The following THSD7A variants were observed in gnomAD, a reference collection of about 807,000 sequenced individuals.
The protein encoded by THSD7A is thrombospondin type 1 domain containing 7A.
In THSD7A, 96 loss-of-function variants were observed where a neutral mutation model predicts 231.3. That is an observed-to-expected ratio of 0.41 (90% confidence interval 0.35 to 0.49). The LOEUF (loss-of-function observed/expected upper bound fraction) is 0.49, where lower values mean the gene tolerates loss of function less well. Ranked by LOEUF, THSD7A falls within the 20% of genes least tolerant of loss-of-function variation. The pLI is 0.05. For missense variants in THSD7A, 2,290 were observed against 2,070.2 expected (o/e 1.11, Z -2.06); for synonymous variants, 940 against 743.3 (o/e 1.26, Z -4.30).
rs1395498961 is a variant in THSD7A at position 11,406,910 on chromosome 7, C to T, written c.4062G>A (p.Gln1354=). Residue 1354 remains glutamine, a splice_region_variant and synonymous_variant, in exon 21 of 28, where the codon CAG becomes CAA. Coordinates refer to ENST00000423059, the MANE Select transcript of THSD7A (RefSeq NM_015204.3). This position sits in a 1 kb window ranked among gnomAD's most constrained non-coding sequence, Gnocchi z 4.7. Reference sequence around the variant, plus strand: ...CTGACAACTTCTTGAGATTTGATACCTGCACTTGGCATGGAGACCACTGGC... The same window carrying T: ...CTGACAACTTCTTGAGATTTGATACTTGCACTTGGCATGGAGACCACTGGC... The part of the protein sequence containing the change: ...QYGQWSPCQV[Q]EAQCGEGTRT... 6.2e-7 allele frequency: 1 copy of T among 1,613,648 alleles called. No individual in the cohort carries two copies. Among genetic ancestry groups the T allele is most frequent in the South Asian group, 1.1e-5 (1 of 91,026 alleles).
chr7:11,487,198 C>T (rs1399868198), intron 6 of THSD7A, among the ~76,000 whole-genome samples: 1 of 152,136 alleles, frequency 6.6e-6, no homozygotes, highest in African/African-American at 2.4e-5. Context: ...CTCTCCTAAA[C>T]TATTCCTTTT....
At chr7:11,674,425 C>G (rs1042314844) in intron 1 of THSD7A, among the ~76,000 whole-genome samples, 1 of 152,092 alleles carries the variant, frequency 6.6e-6, no homozygotes, top group Admixed American at 6.6e-5. Context: ...TCTGTAGCCT[C>G]AGAGGGTGAA....
At chr7:11,529,240 T>C (rs934318290) in intron 6 of THSD7A, among the ~76,000 whole-genome samples, 15 of 152,118 alleles carry the variant, frequency 9.9e-5, no homozygotes, top group African/African-American at 3.6e-4. Context: ...ACAGGTGAAA[T>C]AATTTTTTTA....
At chr7:11,553,173 T>A (rs1463530640) in intron 4 of THSD7A, among the ~76,000 whole-genome samples, 5 of 152,060 alleles carry the variant, frequency 3.3e-5, no homozygotes, top group African/African-American at 1.2e-4. Flanking sequence ...GCGCACCAAA[T>A]CAACACTGAC....
At chr7:11,563,723 G>A (rs748445640) in intron 4 of THSD7A, among the ~76,000 whole-genome samples, 5 of 152,052 alleles carry the variant, frequency 3.3e-5, no homozygotes, top group Non-Finnish European at 7.4e-5. Flanking sequence ...TATAATTTAG[G>A]AAGCATACAT....
chr7:11,643,031 C>A (rs1002480232), intron 1 of THSD7A, among the ~76,000 whole-genome samples: 1 of 152,006 alleles, frequency 6.6e-6, no homozygotes. Context: ...AGCAACTGTT[C>A]CAAAGAGCCT....
chr7:11,761,834 C>T (rs1782872555), intron 1 of THSD7A, among the ~76,000 whole-genome samples: 1 of 151,822 alleles, frequency 6.6e-6, no homozygotes, highest in Non-Finnish European at 1.5e-5. Flanking sequence ...GGTTTGGGCT[C>T]CTAGAGAACC....
chr7:11,750,273 T>C (rs1350720009), intron 1 of THSD7A, among the ~76,000 whole-genome samples: 3 of 151,892 alleles, frequency 2.0e-5, no homozygotes, highest in Non-Finnish European at 2.9e-5. Flanking sequence ...TTCTGCTGTA[T>C]GTTAGGAACA....
Position 11,831,744 on chromosome 7 carries a change from C to A in THSD7A, c.190+13G>T. The A allele has an allele frequency of 1.4e-6, 2 of 1,443,678 alleles. No individual in the cohort carries two copies. The highest frequency in any genetic ancestry group is 1.8e-6 in the Non-Finnish European group (2 of 1,093,478). 89.4% of individuals were successfully genotyped at this position (1,443,678 alleles called of 1,614,324 possible). Reference sequence around the variant, plus strand: ...ATGTGAAGATGGGGAAAGGGTAACTCCGTCCCACTTACCAGTCTTCCACAG... The same window carrying A: ...ATGTGAAGATGGGGAAAGGGTAACTACGTCCCACTTACCAGTCTTCCACAG... On this transcript the variant is annotated intron_variant, in intron 1 of 27. Coordinates refer to ENST00000423059, the MANE Select transcript of THSD7A (RefSeq NM_015204.3). This position sits in a 1 kb window ranked among gnomAD's most constrained non-coding sequence, Gnocchi z 5.0.
chr7:11,456,026 T>A (rs376137678), intron 11 of THSD7A, among the ~76,000 whole-genome samples: 1 of 152,040 alleles, frequency 6.6e-6, no homozygotes, highest in African/African-American at 2.4e-5. Flanking sequence ...GCATGGCTAG[T>A]AAGGTGATAA....
chr7:11,402,061 C>T (rs1482887859), intron 22 of THSD7A, 93 bp from the exon 23 acceptor site: 4 of 1,026,616 alleles, frequency 3.9e-6, no homozygotes, highest in South Asian at 1.6e-5. Context: ...GGCAATGTTT[C>T]TGGTATCCCA....
intron 4 of THSD7A, among the ~76,000 whole-genome samples, chr7:11,544,904 G>A (rs28479588): frequency 0.35 from 52,155 of 149,190 alleles, 9,583 homozygotes; most frequent in Admixed American, 0.47. Flanking sequence ...ATTCTCACTC[G>A]AGTTCAACAG....
intron 1 of THSD7A, among the ~76,000 whole-genome samples, chr7:11,811,937 C>T (rs17165243): frequency 0.17 from 26,397 of 152,048 alleles, 2,467 homozygotes; most frequent in South Asian, 0.33. Flanking sequence ...AGTTTATATA[C>T]TTGAAAAAGC....
chr7:11,401,339 T>TCCAATCTTTAGAATTCAGAATCTTC (rs1783394918), intron 23 of THSD7A, among the ~76,000 whole-genome samples: 1 of 152,196 alleles, frequency 6.6e-6, no homozygotes, highest in Non-Finnish European at 1.5e-5. Flanking sequence ...GTTCCATCTT[T>TCCAATCTTTAGAATTCAGAATCTTC]CCAATCTTTA....
intron 23 of THSD7A, among the ~76,000 whole-genome samples, chr7:11,392,823 G>A (rs1583659372): frequency 6.6e-6 from 1 of 152,236 alleles, no homozygotes; most frequent in Admixed American, 6.5e-5. Flanking sequence ...TAGCCAGACT[G>A]CCTCTCTAGA....
intron 6 of THSD7A, among the ~76,000 whole-genome samples, chr7:11,498,190 T>C (rs1006459547): frequency 1.3e-5 from 2 of 152,140 alleles, no homozygotes; most frequent in African/African-American, 2.4e-5. Context: ...GACCCCACTT[T>C]CATGGCACCT....
At chr7:11,431,949 C>T (rs1784489514) in intron 13 of THSD7A, among the ~76,000 whole-genome samples, 2 of 151,964 alleles carry the variant, frequency 1.3e-5, no homozygotes, top group Non-Finnish European at 2.9e-5. Context: ...TAAAAAGAAC[C>T]TACCAACATT....
intron 16 of THSD7A, among the ~76,000 whole-genome samples, chr7:11,422,266 A>G (rs1583709690): frequency 6.6e-6 from 1 of 152,194 alleles, no homozygotes; most frequent in South Asian, 2.1e-4. Flanking sequence ...TTCTACCACC[A>G]CTCCTTGATA....
chr7:11,385,560 T>C (rs1190423843), intron 23 of THSD7A: 3 of 152,082 alleles, frequency 2.0e-5, no homozygotes, highest in African/African-American at 7.3e-5. Flanking sequence ...GTTAATGTGA[T>C]AAATTACATT....
Sources: allele counts gnomAD v4.1 joint callset (sites outside exome capture counted in the v4.1 genomes callset), GRCh38; gene constraint gnomAD v4.1.1; non-coding constraint Gnocchi (gnomAD v3.1); transcripts MANE v1.5; gene names NCBI Gene and HGNC (gene_info 2026-07-23, HGNC 2026-07-21).